The following TRIO variants were observed in gnomAD, a reference collection of about 807,000 sequenced individuals.
The protein encoded by TRIO is triple functional domain protein.
TRIO carries 58 observed loss-of-function variants against 351.9 expected under a neutral mutation model. The ratio of observed to expected loss-of-function variants is 0.16; its 90% CI spans 0.13 to 0.21. TRIO has a LOEUF of 0.21. TRIO is among the 10% of genes least tolerant of loss of function. The pLI, the probability that TRIO is intolerant of heterozygous loss-of-function variation, is 1.00. For missense variants in TRIO, 3,201 were observed against 4,027.8 expected (o/e 0.79, Z 5.56); for synonymous variants, 1,758 against 1,595.7 (o/e 1.10, Z -2.42).
At chr5:14,388,731 A>G in intron 24 of TRIO, 52 bp downstream of exon 24, 1 of 1,559,880 alleles carries the variant, frequency 6.4e-7, no homozygotes, top group South Asian at 1.2e-5. Context: ...ATTGAGCATA[A>G]GCTTGCTATT....
At chr5:14,257,833 G>T (rs164862) in intron 1 of TRIO, among the ~76,000 whole-genome samples, 1 of 151,980 alleles carries the variant, frequency 6.6e-6, no homozygotes, top group Non-Finnish European at 1.5e-5. Flanking sequence ...AATAATTTTA[G>T]GTAAATGGGC....
Position 14,461,236 on chromosome 5 carries a change from C to G in TRIO, c.5421C>G (p.Arg1807=). The change falls in exon 35 of 57, where the codon CGC becomes CGG. Residue 1807 remains arginine (R), a synonymous_variant. Transcript: ENST00000344204. ...AHKHKKSREV[R]KSADAGSQKD... is the part of the protein sequence containing the mutation. ...AGCACAAGAAGAGCCGCGAGGTCCG[C>G]AAGAGCGCCGACGCCGGCTCGCAGA... The G allele has an allele frequency of 6.3e-7, 1 of 1,587,380 alleles. No homozygotes were observed. The highest frequency in any genetic ancestry group is 1.1e-5 in the South Asian group (1 of 87,320).
At chr5:14,215,243 A>G (rs1224191750) in intron 1 of TRIO, among the ~76,000 whole-genome samples, 7 of 152,232 alleles carry the variant, frequency 4.6e-5, no homozygotes, top group African/African-American at 1.7e-4. Context: ...CGTTTTTTAT[A>G]TGATGCTAAT....
chr5:14,236,820 C>T (rs1793795125), intron 1 of TRIO, among the ~76,000 whole-genome samples: 1 of 152,176 alleles, frequency 6.6e-6, no homozygotes, highest in Admixed American at 6.5e-5. Flanking sequence ...AGAAACCCCA[C>T]AGCCCTTACC....
chr5:14,156,675 G>A (rs1336854295), intron 1 of TRIO, among the ~76,000 whole-genome samples: 1 of 152,178 alleles, frequency 6.6e-6, no homozygotes, highest in Non-Finnish European at 1.5e-5. Context: ...TATGCAGAAA[G>A]TAATTTGAGA....
intron 34 of TRIO, among the ~76,000 whole-genome samples, chr5:14,429,426 A>T (rs578182690): frequency 4.6e-5 from 7 of 152,208 alleles, no homozygotes; most frequent in Non-Finnish European, 1.0e-4. Context: ...TGTTTTACAC[A>T]TCCTGATAGC....
At chr5:14,145,452 C>CA (rs1333886155) in intron 1 of TRIO, among the ~76,000 whole-genome samples, 1 of 151,542 alleles carries the variant, frequency 6.6e-6, no homozygotes, top group East Asian at 1.9e-4. Flanking sequence ...CTGCAGAAAG[C>CA]AAAGGTTTAG....
chr5:14,423,909 C>T (rs907904772), intron 34 of TRIO, among the ~76,000 whole-genome samples: 1 of 150,548 alleles, frequency 6.6e-6, no homozygotes, highest in African/African-American at 2.5e-5. Context: ...GAAGGCCCCT[C>T]TCAGACCCCA....
intron 1 of TRIO, among the ~76,000 whole-genome samples, chr5:14,260,092 T>TA (rs1795256673): frequency 6.6e-6 from 1 of 152,244 alleles, no homozygotes; most frequent in Admixed American, 6.5e-5. Context: ...ACATGTTACT[T>TA]ACGTTATTAT....
At chr5:14,489,665 C>T (rs1393107574) in intron 48 of TRIO, among the ~76,000 whole-genome samples, 1 of 152,208 alleles carries the variant, frequency 6.6e-6, no homozygotes, top group Non-Finnish European at 1.5e-5. Flanking sequence ...TCAAAATTAA[C>T]ACTTCAACTG....
At chr5:14,332,894 C>T (rs112006082) in intron 10 of TRIO, among the ~76,000 whole-genome samples, 1,655 of 152,252 alleles carry the variant, frequency 0.011, 21 homozygotes, top group African/African-American at 0.037. Context: ...TAGAACAGTA[C>T]GATCATTCAG....
chr5:14,388,688 GTTTTT>G lies in TRIO; in HGVS notation c.3948+23_3948+27del, dbSNP rs57751910. 1.5e-5 allele frequency: 22 copies of G among 1,440,564 alleles called. No homozygotes were observed. Among genetic ancestry groups the G allele is most frequent in the South Asian group, 5.4e-5 (4 of 74,580 alleles). 89.2% of individuals were successfully genotyped at this position (1,440,564 alleles called of 1,614,324 possible). ...TCCGGGAATGTATGGATGTAAGTAA[GTTTTT>G]TTTTTTTTTTTTTGCTTGTTTATTT... On this transcript the variant is annotated intron_variant, in intron 24 of 56. Coordinates refer to ENST00000344204, the MANE Select transcript of TRIO (RefSeq NM_007118.4).
intron 54 of TRIO, 140 bp from the exon 55 acceptor site, chr5:14,504,253 C>T (rs1757499247): frequency 1.1e-6 from 1 of 878,372 alleles, no homozygotes; most frequent in South Asian, 1.6e-5. Context: ...CACCACAGCC[C>T]CTCCGTGGAG....
At chr5:14,364,839 G>T (rs772272782) in intron 15 of TRIO, 23 bp downstream of exon 15, 6 of 1,597,046 alleles carry the variant, frequency 3.8e-6, no homozygotes, top group Non-Finnish European at 8.5e-7. Flanking sequence ...CTGGATGCTT[G>T]GGGAGGCTGC....
At chr5:14,352,000 T>C (rs1433509511) in intron 11 of TRIO, among the ~76,000 whole-genome samples, 1 of 152,196 alleles carries the variant, frequency 6.6e-6, no homozygotes, top group Non-Finnish European at 1.5e-5. Context: ...AAGCTAGCTT[T>C]TCAAGGGGAT....
intron 33 of TRIO, among the ~76,000 whole-genome samples, chr5:14,417,321 G>T (rs1432279704): frequency 6.6e-6 from 1 of 152,168 alleles, no homozygotes; most frequent in Non-Finnish European, 1.5e-5. Context: ...GAAGAGTTTG[G>T]TTTTGTTTTG....
intron 16 of TRIO, among the ~76,000 whole-genome samples, chr5:14,367,286 T>TA: frequency 6.6e-6 from 1 of 152,264 alleles, no homozygotes; most frequent in African/African-American, 2.4e-5. Context: ...AAGATGCACT[T>TA]TCTCTCATCT....
chr5:14,193,432 T>A (rs1464875042), intron 1 of TRIO, among the ~76,000 whole-genome samples: 2 of 152,246 alleles, frequency 1.3e-5, no homozygotes, highest in Admixed American at 1.3e-4. Flanking sequence ...ATTTTCTGTT[T>A]AGTTTTACTT....
rs1449299807 is a variant in TRIO at position 14,291,085 on chromosome 5, C to A, written c.910C>A (p.Leu304Met). The change falls in exon 5 of 57, where the codon CTG becomes ATG. Residue 304 changes from leucine (L) to methionine (M), a missense_variant. Leu to Met is a conservative substitution (Grantham distance 15, BLOSUM62 2). Transcript: ENST00000344204. ...GAACTCAGGCTCAGGCAATGCGGAC[C>A]TGCAGAACCTCTTGCCCAAGGTGTC... Reference protein sequence around the residue: ...KKNSGSGNADLQNLLPKVSTM... With the variant: ...KKNSGSGNADMQNLLPKVSTM... 4 of 1,614,214 alleles carry A rather than the reference C, an allele frequency of 2.5e-6. No individual in the cohort carries two copies. In the East Asian group the frequency reaches 8.9e-5, roughly 36 times the overall value.
Sources: allele counts gnomAD v4.1 joint callset (sites outside exome capture counted in the v4.1 genomes callset), GRCh38; gene constraint gnomAD v4.1.1; transcripts MANE v1.5; gene names NCBI Gene and HGNC (gene_info 2026-07-23, HGNC 2026-07-21).